GRK3: variants seen among roughly 807,000 people sequenced by gnomAD.
GRK3 encodes the protein G protein-coupled receptor kinase 3.
Under a neutral mutation model 95.7 loss-of-function variants are expected in GRK3, and 54 were observed. The ratio of observed to expected loss-of-function variants is 0.56; its 90% CI spans 0.45 to 0.71. The LOEUF (loss-of-function observed/expected upper bound fraction) is 0.71, where lower values mean the gene tolerates loss of function less well. Ranked by LOEUF, GRK3 falls within the 30% of genes least tolerant of loss-of-function variation. The pLI is 0.00. For missense variants in GRK3, 649 were observed against 851.2 expected (o/e 0.76, Z 2.96); for synonymous variants, 281 against 290.8 (o/e 0.97, Z 0.34).
chr22:25,602,410 C>A (rs940595177), intron 1 of GRK3, among the ~76,000 whole-genome samples: 4 of 152,130 alleles, frequency 2.6e-5, no homozygotes, highest in Non-Finnish European at 5.9e-5. Context: ...TAATATAGTT[C>A]ATCAGTTTTT....
intron 2 of GRK3, among the ~76,000 whole-genome samples, chr22:25,643,280 C>T (rs922967225): frequency 2.6e-5 from 4 of 152,190 alleles, no homozygotes; most frequent in Non-Finnish European, 4.4e-5. Context: ...TGCAGGTGTG[C>T]GCCTGACCCT....
At position 25,632,664 on chromosome 22, in the gene GRK3, T is replaced by TAAA. The variant is rs1360335024; in HGVS notation, c.191-11928_191-11927insAAA. Among the ~76,000 whole-genome samples, 241 of 152,350 alleles carry TAAA rather than the reference T, an allele frequency of 1.6e-3. 1 individual carries two copies. Among genetic ancestry groups the TAAA allele is most frequent in the African/African-American group, 3.9e-3 (163 of 41,576 alleles). On this transcript the variant is annotated intron_variant, in intron 2 of 20. Coordinates refer to ENST00000324198, the MANE Select transcript of GRK3 (RefSeq NM_005160.4). ...TATAGTTTGAAGATTTATATTTAAT[T>TAAA]CTATTATCCATTTTGAGTTAATTTT...
At chr22:25,620,600 A>C (rs2084577595) in intron 2 of GRK3, among the ~76,000 whole-genome samples, 1 of 152,156 alleles carries the variant, frequency 6.6e-6, no homozygotes, top group Admixed American at 6.5e-5. Context: ...TAACTCCTAC[A>C]ACATTCCTCC....
At chr22:25,715,971 A>G (rs984057151) in intron 18 of GRK3, among the ~76,000 whole-genome samples, 1 of 152,064 alleles carries the variant, frequency 6.6e-6, no homozygotes, top group Non-Finnish European at 1.5e-5. Flanking sequence ...GCAGGGACAC[A>G]TAGCCTTTAT....
At chr22:25,571,718 C>G (rs1931705111) in intron 1 of GRK3, among the ~76,000 whole-genome samples, 1 of 152,026 alleles carries the variant, frequency 6.6e-6, no homozygotes, top group Non-Finnish European at 1.5e-5. Flanking sequence ...GGATGATTGG[C>G]TGGAACAGAG....
At chr22:25,698,427 G>T (rs1459164029) in intron 13 of GRK3, among the ~76,000 whole-genome samples, 2 of 152,316 alleles carry the variant, frequency 1.3e-5, no homozygotes, top group Admixed American at 1.3e-4. Context: ...GATGTGCTGC[G>T]AGCACAGACA....
chr22:25,721,194 T>C, intron 19 of GRK3, 90 bp from the exon 20 acceptor site: 2 of 619,822 alleles, frequency 3.2e-6, no homozygotes, highest in South Asian at 2.5e-5. Flanking sequence ...TGTTTTCTTT[T>C]TTTACTTGTT....
intron 9 of GRK3, among the ~76,000 whole-genome samples, chr22:25,684,242 G>C (rs2085096292): frequency 6.6e-6 from 1 of 152,160 alleles, no homozygotes; most frequent in African/African-American, 2.4e-5. Flanking sequence ...ATACCACACT[G>C]TCTGAATTAC....
intron 3 of GRK3, among the ~76,000 whole-genome samples, chr22:25,657,212 A>G (rs2084878204): frequency 6.6e-6 from 1 of 152,194 alleles, no homozygotes; most frequent in Non-Finnish European, 1.5e-5. Flanking sequence ...AGTTAGGTCA[A>G]GGTAGTTGAT....
At chr22:25,656,744 A>C (rs552496374) in intron 3 of GRK3, among the ~76,000 whole-genome samples, 28 of 152,218 alleles carry the variant, frequency 1.8e-4, no homozygotes, top group Non-Finnish European at 3.8e-4. Flanking sequence ...CAAGAAACAA[A>C]TAATAAACAG....
chr22:25,579,861 GAA>G (rs1932040223), intron 1 of GRK3, among the ~76,000 whole-genome samples: 1 of 152,134 alleles, frequency 6.6e-6, no homozygotes, highest in Non-Finnish European at 1.5e-5. Flanking sequence ...AATTCTTAAT[GAA>G]AATATTGATT....
In GRK3 at chr22:25,623,582, A is replaced by G. The variant is rs141367989; in HGVS notation, c.190+19129A>G. On this transcript the variant is annotated intron_variant, in intron 2 of 20. Coordinates refer to ENST00000324198, the MANE Select transcript of GRK3 (RefSeq NM_005160.4). ...TCTACCAGAACAGATCAAATACCTC[A>G]CTAATTATCTCCTCCCTGACCAGAA... Among the ~76,000 whole-genome samples, 1,015 of 152,322 alleles carry G rather than the reference A, an allele frequency of 6.7e-3. 13 individuals carry two copies. Among genetic ancestry groups the G allele is most frequent in the Middle Eastern group, 0.014 (4 of 294 alleles).
intron 2 of GRK3, among the ~76,000 whole-genome samples, chr22:25,612,385 A>C (rs1387396125): frequency 6.6e-6 from 1 of 151,884 alleles, no homozygotes; most frequent in South Asian, 2.1e-4. Flanking sequence ...GAATTGTTTT[A>C]TTTATTTTAA....
At chr22:25,609,870 C>CA (rs1205461144) in intron 2 of GRK3, among the ~76,000 whole-genome samples, 5 of 127,822 alleles carry the variant, frequency 3.9e-5, no homozygotes, top group African/African-American at 1.5e-4. Flanking sequence ...TTTTTTGAGA[C>CA]AGAGTCTTGC....
At chr22:25,589,855 C>T (rs1171449368) in intron 1 of GRK3, among the ~76,000 whole-genome samples, 1 of 152,088 alleles carries the variant, frequency 6.6e-6, no homozygotes, top group East Asian at 1.9e-4. Flanking sequence ...GAAGGAGGAG[C>T]AAAGGCATGT....
chr22:25,668,487 T>G (rs2084957459), intron 6 of GRK3, among the ~76,000 whole-genome samples: 1 of 152,236 alleles, frequency 6.6e-6, no homozygotes, highest in Admixed American at 6.5e-5. Flanking sequence ...AAATGCTACT[T>G]TACTGTAGTT....
rs200620637 is a variant in GRK3 at position 25,644,154 on chromosome 22, TG to T, written c.191-437del. ...TCTGGTGTTTTTTTTTTTGTTTGTT[TG>T]TTTTTTTTTTAGGGAGTTTGGTCCT... On this transcript the variant is annotated intron_variant, in intron 2 of 20. Coordinates refer to ENST00000324198, the MANE Select transcript of GRK3 (RefSeq NM_005160.4). Among the ~76,000 whole-genome samples the T allele has an allele frequency of 5.5e-3, 815 of 146,980 alleles. 12 individuals are homozygous for T. Among genetic ancestry groups the T allele is most frequent in the Middle Eastern group, 0.03 (8 of 264 alleles).
chr22:25,604,325 T>C (rs1371758054), intron 1 of GRK3, 52 bp from the exon 2 acceptor site: 2 of 1,325,548 alleles, frequency 1.5e-6, no homozygotes, highest in Non-Finnish European at 1.1e-6. Context: ...CTGGGGATGG[T>C]TACTCACGAT....
intron 19 of GRK3, among the ~76,000 whole-genome samples, chr22:25,720,323 A>G (rs915436670): frequency 6.6e-6 from 1 of 152,182 alleles, no homozygotes; most frequent in Non-Finnish European, 1.5e-5. Context: ...TTGTAAGTCT[A>G]AGTAAGGAAA....
Sources: gnomAD v4.1 joint callset for allele counts (sites outside exome capture counted in the v4.1 genomes callset) on GRCh38, gnomAD v4.1.1 for gene constraint, MANE v1.5 for transcripts, NCBI Gene and HGNC (gene_info 2026-07-23, HGNC 2026-07-21) for gene names.